AR: variants seen among roughly 807,000 people sequenced by gnomAD.
AR encodes the protein androgen receptor.
In AR, 8 loss-of-function variants were observed where a neutral mutation model predicts 53.9. The observed-to-expected ratio is 0.15, with a 90% CI of 0.09 to 0.27. The LOEUF (loss-of-function observed/expected upper bound fraction) is 0.27, where lower values mean the gene tolerates loss of function less well. Among genes scored for constraint, AR ranks in the 10% least tolerant of loss-of-function variants. The pLI is 1.00. For missense variants in AR, 639 were observed against 742.5 expected, an observed-to-expected ratio of 0.86 and a Z score of 1.62; for synonymous variants, 359 against 316.4, an observed-to-expected ratio of 1.13 and a Z score of -1.43.
chrX:67,595,600 A>G (rs1439523022), intron 1 of AR, among the ~76,000 whole-genome samples: 1 of 107,598 alleles, frequency 9.3e-6, no homozygotes, highest in Non-Finnish European at 1.9e-5. Context: ...GGTCATTAAG[A>G]TTCTGATTTG....
chrX:67,626,748 A>G (rs1008775084), intron 1 of AR, among the ~76,000 whole-genome samples: 10 of 97,848 alleles, frequency 1.0e-4, no homozygotes, highest in African/African-American at 3.0e-4. Flanking sequence ...ATCATCTAGC[A>G]TTAGGTATAT....
intron 1 of AR, among the ~76,000 whole-genome samples, chrX:67,600,834 G>A (rs1161751372): frequency 9.1e-6 from 1 of 110,156 alleles, no homozygotes; most frequent in Non-Finnish European, 1.9e-5. Flanking sequence ...CATCCATTGT[G>A]TACTCACAAA....
At chrX:67,655,929 G>A (rs1456499778) in intron 2 of AR, among the ~76,000 whole-genome samples, 1 of 112,304 alleles carries the variant, frequency 8.9e-6, no homozygotes, top group Non-Finnish European at 1.9e-5. Context: ...AAATGCTAAT[G>A]TGGATTAAAT....
At chrX:67,574,878 T>C (rs1024678623) in intron 1 of AR, among the ~76,000 whole-genome samples, 1 of 111,360 alleles carries the variant, frequency 9.0e-6, no homozygotes, top group South Asian at 3.8e-4. Context: ...CAATATGAGG[T>C]TGAAACTATA....
intron 2 of AR, among the ~76,000 whole-genome samples, chrX:67,671,464 A>T (rs1170197900): frequency 8.9e-6 from 1 of 112,077 alleles, no homozygotes; most frequent in Non-Finnish European, 1.9e-5. Flanking sequence ...CTTCTTGTAA[A>T]TTTGTTTAAG....
intron 1 of AR, among the ~76,000 whole-genome samples, chrX:67,600,148 G>C (rs1204656542): frequency 9.0e-6 from 1 of 111,585 alleles, no homozygotes; most frequent in Non-Finnish European, 1.9e-5. Context: ...GCTCCACCTG[G>C]AGAGGGACAT....
Position 67,711,664 on chromosome X carries a change from G to A in AR, c.2148G>A (p.Val716=), listed in dbSNP as rs1447753930. Residue 716 remains valine, a synonymous_variant, in exon 4 of 8, where the codon GTG becomes GTA. Coordinates refer to ENST00000374690, the MANE Select transcript of AR (RefSeq NM_000044.6). ...TGGGAGAGAGACAGCTTGTACACGTGGTCAAGTGGGCCAAGGCCTTGCCTG... is the reference window on the plus strand; with the variant it reads ...TGGGAGAGAGACAGCTTGTACACGTAGTCAAGTGGGCCAAGGCCTTGCCTG... The part of the protein sequence containing the change: ...NELGERQLVH[V]VKWAKALPGF... 3 of 1,206,586 alleles carry A rather than the reference G, an allele frequency of 2.5e-6. No homozygotes were observed.
At chrX:67,719,817 C>G (rs748856143) in intron 5 of AR, among the ~76,000 whole-genome samples, 1 of 112,227 alleles carries the variant, frequency 8.9e-6, no homozygotes, top group East Asian at 2.8e-4. Context: ...TGCAACTAAT[C>G]CCTGCCAGCC....
intron 2 of AR, among the ~76,000 whole-genome samples, chrX:67,678,761 C>T (rs2075915477): frequency 9.0e-6 from 1 of 111,502 alleles, no homozygotes; most frequent in Non-Finnish European, 1.9e-5. Context: ...TCTTTATCCA[C>T]TTATCCATCC....
intron 1 of AR, among the ~76,000 whole-genome samples, chrX:67,560,904 T>C (rs1232526530): frequency 8.9e-6 from 1 of 112,098 alleles, no homozygotes; most frequent in Admixed American, 9.5e-5. Context: ...TGAAAGAATG[T>C]TGGCTTCACT....
intron 1 of AR, among the ~76,000 whole-genome samples, chrX:67,577,782 AT>A (rs1201901043): frequency 9.0e-6 from 1 of 111,071 alleles, no homozygotes; most frequent in Non-Finnish European, 1.9e-5. Flanking sequence ...CCGTTTGTAT[AT>A]TTTTTGATCC....
At chrX:67,592,004 A>G (rs987704113) in intron 1 of AR, among the ~76,000 whole-genome samples, 1 of 112,507 alleles carries the variant, frequency 8.9e-6, no homozygotes, top group Non-Finnish European at 1.9e-5. Flanking sequence ...TAATCAAGCT[A>G]AGAGATGCAT....
intron 1 of AR, among the ~76,000 whole-genome samples, chrX:67,625,913 A>T (rs1359093248): frequency 9.1e-6 from 1 of 110,378 alleles, no homozygotes; most frequent in African/African-American, 3.3e-5. Flanking sequence ...TTTTAAAAAA[A>T]CCCTTGATTA....
intron 1 of AR, among the ~76,000 whole-genome samples, chrX:67,625,737 C>CA (rs911741267): frequency 2.2e-4 from 24 of 110,234 alleles, no homozygotes; most frequent in Middle Eastern, 4.7e-3. Flanking sequence ...TTCAAACCTG[C>CA]AAAAAAAATA....
intron 2 of AR, among the ~76,000 whole-genome samples, chrX:67,685,695 G>A (rs746789494): frequency 9.0e-6 from 1 of 111,190 alleles, no homozygotes; most frequent in South Asian, 3.9e-4. Flanking sequence ...TTTCTCATGG[G>A]CATTTCTGAC....
Position 67,725,756 on chromosome X carries a change from CTT to C in AR, c.*1917_*1918del, listed in dbSNP as rs1278112179. The C allele has an allele frequency of 2.3e-5, 4 of 174,056 alleles. No homozygotes were observed. The highest frequency in any genetic ancestry group is 1.2e-4 in the African/African-American group (4 of 33,822). 14.3% of individuals were successfully genotyped at this position (174,056 alleles called of 1,213,427 possible). A position where few individuals can be genotyped will look rare whatever the true frequency, so the allele number is the denominator to read the frequency against. ...TCAGAGGGAGGCCAAACCATTGAGA[CTT>C]TCTACAGAACCATGGCTTCTTTCGG... On this transcript the variant is annotated 3_prime_UTR_variant, in exon 8 of 8. Transcript: ENST00000374690.
intron 1 of AR, among the ~76,000 whole-genome samples, chrX:67,640,949 AT>A (rs774854900): frequency 9.0e-6 from 1 of 111,104 alleles, no homozygotes; most frequent in East Asian, 2.8e-4. Flanking sequence ...ATAATTATTT[AT>A]TTCCAGTCCT....
At chrX:67,582,790 C>CTG (rs1368058863) in intron 1 of AR, among the ~76,000 whole-genome samples, 5 of 111,655 alleles carry the variant, frequency 4.5e-5, no homozygotes, top group Non-Finnish European at 9.4e-5. Flanking sequence ...AATTGAAAAT[C>CTG]TGTGGCTGAA....
intron 1 of AR, among the ~76,000 whole-genome samples, chrX:67,623,767 A>G (rs1924485377): frequency 8.9e-6 from 1 of 111,874 alleles, no homozygotes; most frequent in South Asian, 3.7e-4. Context: ...AAAAAGAGAG[A>G]AAATTCAAAT....
Sources: gnomAD v4.1 joint callset for allele counts (sites outside exome capture counted in the v4.1 genomes callset) on GRCh38, gnomAD v4.1.1 for gene constraint, MANE v1.5 for transcripts, NCBI Gene and HGNC (gene_info 2026-07-23, HGNC 2026-07-21) for gene names.